Variants in DENND1A observed in about 807,000 individuals in gnomAD.
DENND1A encodes the protein DENN domain containing 1A.
A neutral mutation model predicts 113.7 loss-of-function variants in DENND1A; 51 were observed. That is an observed-to-expected ratio of 0.45 (90% CI 0.36 to 0.57). The LOEUF (loss-of-function observed/expected upper bound fraction) is 0.57. Ranked by LOEUF, DENND1A falls within the 20% of genes least tolerant of loss-of-function variation. DENND1A has a pLI of 0.00. For missense variants in DENND1A, 1,258 were observed against 1,395.9 expected (o/e 0.90, Z 1.57); for synonymous variants, 565 against 570.8 (o/e 0.99, Z 0.14).
intron 19 of DENND1A, chr9:123,413,941 T>C: frequency 2.0e-6 from 2 of 987,470 alleles, no homozygotes. Context: ...CACCCAGCTC[T>C]CCTACACCAC....
chr9:123,419,398 C>T (rs2045039370), intron 19 of DENND1A, among the ~76,000 whole-genome samples: 1 of 152,256 alleles, frequency 6.6e-6, no homozygotes, highest in Non-Finnish European at 1.5e-5. Flanking sequence ...CTGGATAGGC[C>T]CTGCCATTTC....
chr9:123,870,497 C>A (rs1002346610), intron 2 of DENND1A, among the ~76,000 whole-genome samples: 2 of 146,328 alleles, frequency 1.4e-5, no homozygotes, highest in Non-Finnish European at 1.5e-5. Flanking sequence ...AGTGCAGTGG[C>A]GTGATCTGGG....
intron 12 of DENND1A, among the ~76,000 whole-genome samples, chr9:123,557,949 G>A (rs765183240): frequency 3.3e-5 from 5 of 151,468 alleles, no homozygotes; most frequent in South Asian, 2.1e-4. Flanking sequence ...CCGAGATTGC[G>A]CCATTGCACT....
At chr9:123,428,607 A>C (rs924456586) in intron 19 of DENND1A, among the ~76,000 whole-genome samples, 1 of 152,256 alleles carries the variant, frequency 6.6e-6, no homozygotes, top group Non-Finnish European at 1.5e-5. Context: ...ACAGGAAGTC[A>C]AATTATCTTT....
intron 3 of DENND1A, among the ~76,000 whole-genome samples, chr9:123,790,595 A>G (rs954187513): frequency 2.6e-5 from 4 of 152,182 alleles, no homozygotes; most frequent in African/African-American, 9.6e-5. Context: ...TATCATTATT[A>G]TTTAGGTTCC....
chr9:123,701,822 T>C (rs1488997307), intron 5 of DENND1A, among the ~76,000 whole-genome samples: 2 of 152,232 alleles, frequency 1.3e-5, no homozygotes, highest in African/African-American at 2.4e-5. Flanking sequence ...ACAGGCTTAC[T>C]TTTGAAGGAG....
chr9:123,554,352 C>G (rs974117170), intron 13 of DENND1A, among the ~76,000 whole-genome samples: 13 of 152,146 alleles, frequency 8.5e-5, no homozygotes, highest in South Asian at 4.1e-4. Context: ...TCCCAAGTAG[C>G]TGGGACCACA....
chr9:123,398,195 C>A (rs982891452), intron 21 of DENND1A, among the ~76,000 whole-genome samples: 8 of 152,230 alleles, frequency 5.3e-5, no homozygotes, highest in Non-Finnish European at 1.0e-4. Context: ...AGTGCCCCAG[C>A]CCCTACTGCC....
At chr9:123,870,436 AT>A (rs945620687) in intron 2 of DENND1A, among the ~76,000 whole-genome samples, 2,951 of 136,472 alleles carry the variant, frequency 0.022, 74 homozygotes, top group East Asian at 0.17. Flanking sequence ...TGCCCGGCTA[AT>A]TTTTTTTTTT....
intron 13 of DENND1A, among the ~76,000 whole-genome samples, chr9:123,540,204 G>A (rs778593505): frequency 2.0e-5 from 3 of 152,170 alleles, no homozygotes; most frequent in Non-Finnish European, 2.9e-5. Flanking sequence ...AAGCTCTTAC[G>A]AAGAGCCAGG....
intron 20 of DENND1A, among the ~76,000 whole-genome samples, chr9:123,406,697 C>T (rs527654943): frequency 3.4e-4 from 52 of 152,340 alleles, no homozygotes; most frequent in African/African-American, 1.1e-3. Flanking sequence ...CCCCTTCTGA[C>T]TCTGCACTGG....
At chr9:123,845,624 C>A (rs1842477483) in intron 2 of DENND1A, among the ~76,000 whole-genome samples, 1 of 129,438 alleles carries the variant, frequency 7.7e-6, no homozygotes, top group Non-Finnish European at 1.6e-5. Context: ...GAGCTAAGTT[C>A]ATGCCACTGT....
chr9:123,919,655 G>GTGGA (rs1209582048), intron 1 of DENND1A, among the ~76,000 whole-genome samples: 351 of 151,516 alleles, frequency 2.3e-3, no homozygotes, highest in Non-Finnish European at 3.8e-3. Flanking sequence ...GTGGAGGCAG[G>GTGGA]CAGATCACTT....
At chr9:123,907,672 A>T (rs1382174799) in intron 1 of DENND1A, among the ~76,000 whole-genome samples, 1 of 150,646 alleles carries the variant, frequency 6.6e-6, no homozygotes, top group Non-Finnish European at 1.5e-5. Flanking sequence ...GAGAATTACA[A>T]ACCACTGCTC....
intron 2 of DENND1A, 140 bp downstream of exon 2, chr9:123,878,811 G>T: frequency 1.4e-6 from 1 of 715,528 alleles, no homozygotes; most frequent in Non-Finnish European, 2.3e-6. Context: ...AGGATAATGT[G>T]AGCATGAATA....
intron 13 of DENND1A, among the ~76,000 whole-genome samples, chr9:123,555,145 C>T (rs956509863): frequency 3.3e-5 from 5 of 152,162 alleles, no homozygotes; most frequent in Non-Finnish European, 5.9e-5. Context: ...TGATCTATTG[C>T]GGAGTCTTGC....
chr9:123,852,921 T>C (rs902990824), intron 2 of DENND1A, among the ~76,000 whole-genome samples: 28 of 152,240 alleles, frequency 1.8e-4, no homozygotes, highest in African/African-American at 5.8e-4. Flanking sequence ...TTTTTCTTTT[T>C]TTCTTTTTTG....
intron 5 of DENND1A, among the ~76,000 whole-genome samples, chr9:123,733,671 T>TC (rs1245944292): frequency 3.3e-5 from 3 of 90,302 alleles, no homozygotes; most frequent in African/African-American, 1.9e-4. Flanking sequence ...TTGTTGGTTA[T>TC]TTTTTTTTTT....
chr9:123,740,734 A>AT (rs2068938937), intron 5 of DENND1A, among the ~76,000 whole-genome samples: 2 of 152,190 alleles, frequency 1.3e-5, no homozygotes, highest in African/African-American at 4.8e-5. Context: ...CAGATGAGAC[A>AT]GGTTATATGA....
Sources: allele counts gnomAD v4.1 joint callset (sites outside exome capture counted in the v4.1 genomes callset), GRCh38; gene constraint gnomAD v4.1.1; transcripts MANE v1.5; gene names NCBI Gene and HGNC (gene_info 2026-07-23, HGNC 2026-07-21).